SYN2: variants seen among roughly 807,000 people sequenced by gnomAD.
The protein encoded by SYN2 is synapsin II.
In SYN2, 19 loss-of-function variants were observed where a neutral mutation model predicts 50.9. The observed-to-expected ratio is 0.37, with a 90% CI of 0.26 to 0.55. SYN2 has a LOEUF of 0.55. Among genes scored for constraint, SYN2 ranks in the 20% least tolerant of loss-of-function variants. The pLI, the probability that SYN2 is intolerant of heterozygous loss-of-function variation, is 0.81. For missense variants in SYN2, 587 were observed against 576.4 expected (o/e 1.02, Z -0.19); for synonymous variants, 255 against 224.9 (o/e 1.13, Z -1.20).
intron 5 of SYN2, among the ~76,000 whole-genome samples, chr3:12,154,110 TAC>T (rs1697382583): frequency 6.6e-6 from 1 of 152,248 alleles, no homozygotes; most frequent in East Asian, 1.9e-4. Flanking sequence ...GTAGCTGTGT[TAC>T]AGTTATCTCA....
rs555006553 is a variant in SYN2, at chr3:12,071,654, C to T, written c.377+66726C>T. 1.3e-3 allele frequency: 428 copies of T among 319,674 alleles called. 2 individuals are homozygous for T. Among genetic ancestry groups the T allele is most frequent in the African/African-American group, 8.5e-3 (393 of 46,314 alleles). 19.8% of individuals were successfully genotyped at this position (319,674 alleles called of 1,614,324 possible). A position where few individuals can be genotyped will look rare whatever the true frequency, so the allele number is the denominator to read the frequency against. On this transcript the variant is annotated intron_variant, in intron 1 of 12. Transcript: ENST00000621198. The stretch of plus-strand genomic sequence containing the variant: ...GGTCACTTTGTGGCTGTTGTAAGAA[C>T]GTGCTTGTGGAAGACAAGTCTGTGG...
chr3:12,072,334 T>TA (rs1222918835), intron 1 of SYN2, among the ~76,000 whole-genome samples: 1 of 152,206 alleles, frequency 6.6e-6, no homozygotes, highest in Non-Finnish European at 1.5e-5. Flanking sequence ...GAAATTTTGT[T>TA]AAAGTCCAAA....
chr3:12,069,137 CTG>C (rs1310722371), intron 1 of SYN2, among the ~76,000 whole-genome samples: 2 of 152,124 alleles, frequency 1.3e-5, no homozygotes, highest in Non-Finnish European at 2.9e-5. Flanking sequence ...TCCGTCATGT[CTG>C]TACCACATTT....
intron 1 of SYN2, among the ~76,000 whole-genome samples, chr3:12,138,739 A>G (rs1288540629): frequency 4.6e-5 from 7 of 152,246 alleles, no homozygotes; most frequent in Non-Finnish European, 7.3e-5. Context: ...TCTGAGATTT[A>G]CCTCACAGAA....
chr3:12,181,993 G>A (rs1002761775), intron 10 of SYN2, among the ~76,000 whole-genome samples: 3 of 152,208 alleles, frequency 2.0e-5, no homozygotes, highest in Non-Finnish European at 1.5e-5. Flanking sequence ...GGTTATGGTA[G>A]AATGGGCACT....
chr3:12,163,443 G>A (rs1697706125), intron 7 of SYN2, among the ~76,000 whole-genome samples: 1 of 141,094 alleles, frequency 7.1e-6, no homozygotes, highest in African/African-American at 2.7e-5. Flanking sequence ...CCCACCCCTT[G>A]AGTGAGTTAG....
chr3:12,150,658 A>G (rs970686272), intron 4 of SYN2, among the ~76,000 whole-genome samples: 9 of 152,180 alleles, frequency 5.9e-5, no homozygotes, highest in Non-Finnish European at 2.9e-5. Context: ...AGTCCCAGAA[A>G]GACTGGGCCT....
chr3:12,097,944 T>C (rs1695977651), intron 1 of SYN2, among the ~76,000 whole-genome samples: 1 of 152,102 alleles, frequency 6.6e-6, no homozygotes. Context: ...GCATGGCACA[T>C]GTATACATAT....
intron 1 of SYN2, among the ~76,000 whole-genome samples, chr3:12,080,145 G>T (rs982419815): frequency 6.6e-6 from 1 of 152,016 alleles, no homozygotes; most frequent in Non-Finnish European, 1.5e-5. Flanking sequence ...GGTCAGTGGT[G>T]ATATCCCCAT....
chr3:12,097,680 A>G (rs1574938830), intron 1 of SYN2, among the ~76,000 whole-genome samples: 1 of 152,192 alleles, frequency 6.6e-6, no homozygotes, highest in Non-Finnish European at 1.5e-5. Flanking sequence ...AGCCATAAAA[A>G]AGGATGAGTT....
chr3:12,069,070 T>G (rs1184133486), intron 1 of SYN2, among the ~76,000 whole-genome samples: 1 of 152,196 alleles, frequency 6.6e-6, no homozygotes, highest in Admixed American at 6.5e-5. Context: ...GTTTTCAAGG[T>G]CCATCCATGT....
chr3:12,074,606 TA>T (rs1276164790), intron 1 of SYN2, among the ~76,000 whole-genome samples: 1 of 152,252 alleles, frequency 6.6e-6, no homozygotes, highest in African/African-American at 2.4e-5. Context: ...GTCCAGTTTT[TA>T]TACTTGTTTT....
intron 1 of SYN2, among the ~76,000 whole-genome samples, chr3:12,050,340 A>ATTTTT (rs397877649): frequency 1.8e-5 from 2 of 113,336 alleles, no homozygotes; most frequent in African/African-American, 5.7e-5. Flanking sequence ...GTTTGGAATG[A>ATTTTT]TTTTTTTTTT....
At position 12,103,139 on chromosome 3, in the gene SYN2, A is replaced by G. The variant is rs116634910; in HGVS notation, c.378-37512A>G. 4.6e-3 allele frequency among the ~76,000 whole-genome samples: 704 copies of G among 152,302 alleles called. 5 individuals are homozygous for G. Among genetic ancestry groups the G allele is most frequent in the African/African-American group, 0.015 (644 of 41,568 alleles). On this transcript the variant is annotated intron_variant, in intron 1 of 12. Transcript: ENST00000621198. ...GACTAGAGAAGTTCTGTGAACTTCT[A>G]AGGTCCACAGTTAGTACCTGGCAGA...
chr3:12,167,423 T>G (rs1697830309), intron 8 of SYN2, 115 bp downstream of exon 8: 3 of 1,096,582 alleles, frequency 2.7e-6, no homozygotes, highest in Non-Finnish European at 2.7e-6. Flanking sequence ...ACCGGACAGA[T>G]AAAACACAAA....
intron 1 of SYN2, among the ~76,000 whole-genome samples, chr3:12,037,852 C>T (rs903470138): frequency 1.3e-5 from 2 of 152,174 alleles, no homozygotes; most frequent in Non-Finnish European, 2.9e-5. Context: ...TTCTCCCATT[C>T]TGTGGCTTAT....
chr3:12,148,766 C>T (rs1697211499), intron 4 of SYN2: 1 of 152,162 alleles, frequency 6.6e-6, no homozygotes, highest in South Asian at 2.1e-4. Flanking sequence ...GAGTGATAGG[C>T]ATAGGGACAC....
chr3:12,170,007 C>G (rs537279203), intron 10 of SYN2, 101 bp downstream of exon 10: 3 of 1,407,260 alleles, frequency 2.1e-6, no homozygotes, highest in South Asian at 2.9e-5. Context: ...CAGATGCCCA[C>G]AGGCCTAAAT....
chr3:12,113,023 C>G (rs1290346487), intron 1 of SYN2, among the ~76,000 whole-genome samples: 1 of 152,218 alleles, frequency 6.6e-6, no homozygotes, highest in African/African-American at 2.4e-5. Context: ...AGTGCCTGTT[C>G]TTTTGAGTGA....
Sources: gnomAD v4.1 joint callset for allele counts (sites outside exome capture counted in the v4.1 genomes callset) on GRCh38, gnomAD v4.1.1 for gene constraint, MANE v1.5 for transcripts, NCBI Gene and HGNC (gene_info 2026-07-23, HGNC 2026-07-21) for gene names.